PLEKHM3: variants seen among roughly 807,000 people sequenced by gnomAD.
The protein encoded by PLEKHM3 is pleckstrin homology domain-containing family M member 3.
PLEKHM3 carries 45 observed loss-of-function variants against 81.8 expected under a neutral mutation model. That is an observed-to-expected ratio of 0.55 (90% CI 0.43 to 0.71). The LOEUF is 0.71. Ranked by LOEUF, PLEKHM3 falls within the 30% of genes least tolerant of loss-of-function variation. PLEKHM3 has a pLI of 0.00. For missense variants in PLEKHM3, 788 were observed against 924.3 expected (o/e 0.85, Z 1.91); for synonymous variants, 352 against 356.4 (o/e 0.99, Z 0.14).
At chr2:207,984,011 A>T (rs1046662410) in intron 2 of PLEKHM3, among the ~76,000 whole-genome samples, 18 of 152,182 alleles carry the variant, frequency 1.2e-4, no homozygotes, top group African/African-American at 4.1e-4. Context: ...TGGGTGCCAA[A>T]CAGTAAAGTC....
intron 7 of PLEKHM3, among the ~76,000 whole-genome samples, chr2:207,858,180 A>ATATATATATATATTTT (rs751293954): frequency 3.9e-5 from 4 of 103,850 alleles, no homozygotes; most frequent in African/African-American, 1.5e-4. Flanking sequence ...GTGTGTATAT[A>ATATATATATATATTTT]TTTTTTTTTT....
At position 207,892,888 on chromosome 2, in the gene PLEKHM3, C is replaced by T. The variant is rs565149560; in HGVS notation, c.1950+15626G>A. On this transcript the variant is annotated intron_variant, in intron 6 of 7. Transcript: ENST00000427836. The stretch of plus-strand genomic sequence containing the variant: ...CCTGCCTCGCTATTCTAAGCTCAGG[C>T]GATGTGGCTTAAGCAAACTCATAGA... Among the ~76,000 whole-genome samples the T allele has an allele frequency of 5.9e-5, 9 of 152,272 alleles. No individual in the cohort carries two copies. The East Asian group carries it at 1.7e-3, about 29-fold the overall frequency.
intron 3 of PLEKHM3, among the ~76,000 whole-genome samples, chr2:207,960,576 G>A (rs1559257722): frequency 1.3e-5 from 2 of 152,204 alleles, no homozygotes. Flanking sequence ...GAAAGAAGAG[G>A]TATTATTCAT....
chr2:207,874,272 C>A (rs1199810253), intron 6 of PLEKHM3, among the ~76,000 whole-genome samples: 1 of 152,104 alleles, frequency 6.6e-6, no homozygotes, highest in African/African-American at 2.4e-5. Context: ...CCTAACTCAT[C>A]TCATAAAAAC....
chr2:207,991,024 T>A (rs1691884011), intron 2 of PLEKHM3, among the ~76,000 whole-genome samples: 1 of 152,192 alleles, frequency 6.6e-6, no homozygotes, highest in Non-Finnish European at 1.5e-5. Context: ...AGTCAATACA[T>A]TCCTGGCCAA....
intron 7 of PLEKHM3, among the ~76,000 whole-genome samples, chr2:207,840,799 G>T (rs72966127): frequency 0.35 from 39,044 of 110,180 alleles, 5,405 homozygotes; most frequent in Middle Eastern, 0.46. Flanking sequence ...CACTTTTTAT[G>T]TTTTTTTTTT....
At chr2:207,901,305 G>A (rs545284055) in intron 6 of PLEKHM3, 2 of 702,960 alleles carry the variant, frequency 2.8e-6, no homozygotes, top group South Asian at 3.0e-5. Flanking sequence ...GTAGTGCCTG[G>A]GTCTGCAGAA....
At chr2:207,858,485 ATTTT>A (rs59555910) in intron 7 of PLEKHM3, among the ~76,000 whole-genome samples, 3 of 141,240 alleles carry the variant, frequency 2.1e-5, no homozygotes, top group African/African-American at 5.2e-5. Flanking sequence ...ACTAAACATG[ATTTT>A]TTTTTTTTTT....
chr2:207,853,388 G>T (rs2092422789), intron 7 of PLEKHM3, among the ~76,000 whole-genome samples: 1 of 150,500 alleles, frequency 6.6e-6, no homozygotes, highest in Non-Finnish European at 1.5e-5. Context: ...TTGCACTCCA[G>T]CCTGGGCAAC....
chr2:207,883,502 G>A (rs1687770558), intron 6 of PLEKHM3, among the ~76,000 whole-genome samples: 1 of 152,232 alleles, frequency 6.6e-6, no homozygotes, highest in African/African-American at 2.4e-5. Flanking sequence ...AAGTGAACGA[G>A]TCTCACTTGA....
chr2:207,965,250 G>A (rs1369858302), intron 3 of PLEKHM3, among the ~76,000 whole-genome samples: 1 of 152,092 alleles, frequency 6.6e-6, no homozygotes, highest in Non-Finnish European at 1.5e-5. Context: ...GAATCCAATG[G>A]TACATTAACA....
At chr2:207,982,051 G>C (rs1335812242) in intron 2 of PLEKHM3, among the ~76,000 whole-genome samples, 1 of 152,116 alleles carries the variant, frequency 6.6e-6, no homozygotes, top group Non-Finnish European at 1.5e-5. Flanking sequence ...TGAAGATGAA[G>C]AAAATGAAGA....
At chr2:207,880,528 C>T (rs1032327269) in intron 6 of PLEKHM3, among the ~76,000 whole-genome samples, 1 of 150,894 alleles carries the variant, frequency 6.6e-6, no homozygotes, top group African/African-American at 2.4e-5. Flanking sequence ...CTTTGGGAGG[C>T]CGAGACGGGC....
intron 3 of PLEKHM3, among the ~76,000 whole-genome samples, chr2:207,974,367 C>T (rs1168517344): frequency 2.6e-5 from 4 of 152,202 alleles, no homozygotes; most frequent in Non-Finnish European, 4.4e-5. Context: ...GCTACGAATG[C>T]AGTGCAGAGC....
intron 7 of PLEKHM3, among the ~76,000 whole-genome samples, chr2:207,847,307 G>A (rs188680191): frequency 6.6e-6 from 1 of 152,324 alleles, no homozygotes; most frequent in African/African-American, 2.4e-5. Flanking sequence ...TGTGAATACA[G>A]AAGCCACCAG....
At chr2:207,842,377 T>C (rs1056530375) in intron 7 of PLEKHM3, among the ~76,000 whole-genome samples, 2 of 152,252 alleles carry the variant, frequency 1.3e-5, no homozygotes, top group Non-Finnish European at 2.9e-5. Flanking sequence ...CATTTTTATA[T>C]AAGGATAAAG....
Position 207,858,136 on chromosome 2 carries a change from ATGTGTGTG to A in PLEKHM3, c.2108+2961_2108+2968del, listed in dbSNP as rs141449083. On this transcript the variant is annotated intron_variant, in intron 7 of 7. Transcript: ENST00000427836. ...AAATATTTTGGGGTTTCATATAGAT[ATGTGTGTG>A]TGTGTGTGTGTGTGTGTGTGTGTGT... Among the ~76,000 whole-genome samples, 1,062 of 126,950 alleles carry A rather than the reference ATGTGTGTG, an allele frequency of 8.4e-3. 5 individuals carry two copies. Among genetic ancestry groups the A allele is most frequent in the Non-Finnish European group, 0.01 (647 of 62,520 alleles). 83.3% of individuals were successfully genotyped at this position (126,950 alleles called of 152,430 possible). A position where few individuals can be genotyped will look rare whatever the true frequency, so the allele number is the denominator to read the frequency against.
rs867006312 is a variant in PLEKHM3, at chr2:207,896,813, G to A, written c.1950+11701C>T. 4.6e-5 allele frequency among the ~76,000 whole-genome samples: 7 copies of A among 152,296 alleles called. No individual in the cohort carries two copies. The Middle Eastern group carries it at 0.01, about 222-fold the overall frequency. ...TTTGTTTCTGCCAACATTTCAGTCT[G>A]GTAAGCTTCTCTCCGCAGCTGTAGA... On this transcript the variant is annotated intron_variant, in intron 6 of 7. Transcript: ENST00000427836.
At chr2:207,965,560 T>C (rs1055149953) in intron 3 of PLEKHM3, among the ~76,000 whole-genome samples, 2 of 152,200 alleles carry the variant, frequency 1.3e-5, no homozygotes, top group Admixed American at 1.3e-4. Flanking sequence ...AAAGCAAATT[T>C]ATATCCTATA....
Sources: allele counts gnomAD v4.1 joint callset (sites outside exome capture counted in the v4.1 genomes callset), GRCh38; gene constraint gnomAD v4.1.1; transcripts MANE v1.5; gene names NCBI Gene and HGNC (gene_info 2026-07-23, HGNC 2026-07-21).